Variants in TMEM25 observed in about 807,000 individuals in gnomAD.
TMEM25 encodes the protein 0610039J01Rik.
A neutral mutation model predicts 37.0 loss-of-function variants in TMEM25; 36 were observed. The ratio of observed to expected loss-of-function variants is 0.97; its 90% CI spans 0.75 to 1.28. The LOEUF (loss-of-function observed/expected upper bound fraction) is 1.28. TMEM25 is among the 50% of genes most tolerant of loss of function. The pLI, the probability that TMEM25 is intolerant of heterozygous loss-of-function variation, is 0.00. For missense variants in TMEM25, 444 were observed against 477.9 expected (o/e 0.93, Z 0.66); for synonymous variants, 197 against 203.7 (o/e 0.97, Z 0.28).
At position 118,535,484 on chromosome 11, in the gene TMEM25, C is replaced by T. The variant is rs1463183183; in HGVS notation, c.*904C>T. On this transcript the variant is annotated 3_prime_UTR_variant, in exon 9 of 9. Transcript: ENST00000313236. The stretch of plus-strand genomic sequence containing the variant: ...ATTCACTGTGAGTGTCCTGAGCTCT[C>T]GGGGTTGATGGTTTTTCTCTCAGCA... 7 of 1,524,172 alleles carry T rather than the reference C, an allele frequency of 4.6e-6. No homozygotes were observed. Among genetic ancestry groups the T allele is most frequent in the South Asian group, 3.6e-5 (3 of 82,862 alleles). The allele number at this position is 1,524,172 out of a possible 1,614,324, so 94.4% of individuals were successfully genotyped here.
At chr11:118,539,717 TTTTTTC>T (rs1396309270), downstream of TMEM25, among the ~76,000 whole-genome samples, 13 of 151,982 alleles carry the variant, frequency 8.6e-5, no homozygotes, top group African/African-American at 1.7e-4. Context: ...TGGGCTGTGA[TTTTTTC>T]TTTATTTTAA....
chr11:118,544,871 G>A (rs781944908), intron 8 of TMEM25: 4 of 1,367,316 alleles, frequency 2.9e-6, no homozygotes, highest in Non-Finnish European at 3.1e-6. Flanking sequence ...CTCAGCTGGG[G>A]CAGAGGGGCC....
In TMEM25 at chr11:118,533,179, T is replaced by C. The variant is rs151005546; in HGVS notation, c.645T>C (p.Gly215=). 3.7e-5 allele frequency: 59 copies of C among 1,600,924 alleles called. No individual in the cohort carries two copies. Among genetic ancestry groups the C allele is most frequent in the Non-Finnish European group, 4.8e-5 (57 of 1,178,198 alleles). ...NLSVVATNDV[G]VTSASLPAPG... is the part of the protein sequence containing the mutation. ...CGGTGGTGGCCACCAATGACGTGGGTGTCACCAGTGCGTCGCTTCCAGCCC... is the reference window on the plus strand; with the variant it reads ...CGGTGGTGGCCACCAATGACGTGGGCGTCACCAGTGCGTCGCTTCCAGCCC... Residue 215 remains glycine (G), a synonymous_variant, in exon 4 of 9, where the codon GGT becomes GGC. Transcript: ENST00000313236.
In TMEM25 at chr11:118,534,823, G is replaced by C; in HGVS notation, c.*243G>C. The C allele has an allele frequency of 2.9e-6, 4 of 1,368,946 alleles. No individual in the cohort carries two copies. Among genetic ancestry groups the C allele is most frequent in the Non-Finnish European group, 3.8e-6 (4 of 1,058,648 alleles). 84.8% of individuals were successfully genotyped at this position (1,368,946 alleles called of 1,614,324 possible). On this transcript the variant is annotated 3_prime_UTR_variant, in exon 9 of 9. Transcript: ENST00000313236. This position sits in a 1 kb window ranked among gnomAD's most constrained non-coding sequence, Gnocchi z 4.6. ...GACGTAAGCCCCTCATGCTGACTCA[G>C]GGTGGGCCCTGCATGTGATGACTGG...
chr11:118,540,644 T>C (rs1297109734), downstream of TMEM25, among the ~76,000 whole-genome samples: 4 of 152,246 alleles, frequency 2.6e-5, no homozygotes, highest in Non-Finnish European at 5.9e-5. Flanking sequence ...CAAACTACTG[T>C]CCCAATTCTC....
intron 1 of TMEM25, 195 bp downstream of exon 1, chr11:118,531,429 C>T (rs1951256334): frequency 2.4e-6 from 1 of 421,318 alleles, no homozygotes; most frequent in Non-Finnish European, 4.3e-6. Context: ...AGGAGAAAGG[C>T]GATCCCTTTG....
downstream of TMEM25, among the ~76,000 whole-genome samples, chr11:118,538,553 G>A (rs192871454): frequency 1.3e-5 from 2 of 152,082 alleles, no homozygotes; most frequent in African/African-American, 2.4e-5. Context: ...GATTAGTGAT[G>A]TTGAGCATTT....
chr11:118,543,434 G>A (rs527816002), intron 8 of TMEM25, among the ~76,000 whole-genome samples: 5 of 152,050 alleles, frequency 3.3e-5, no homozygotes, highest in Admixed American at 2.0e-4. Flanking sequence ...AGTACCCTCC[G>A]TTCTCCCTTT....
downstream of TMEM25, among the ~76,000 whole-genome samples, chr11:118,538,563 TTCTCA>T (rs541169912): frequency 7.0e-4 from 106 of 152,250 alleles, no homozygotes; most frequent in Non-Finnish European, 1.3e-3. Context: ...GTTGAGCATT[TTCTCA>T]TATACCTGTT....
Position 118,535,119 on chromosome 11 carries a change from C to T in TMEM25, c.*539C>T, listed in dbSNP as rs1361974635. The T allele has an allele frequency of 3.9e-6, 4 of 1,018,718 alleles. No individual in the cohort carries two copies. Among genetic ancestry groups the T allele is most frequent in the African/African-American group, 1.7e-5 (1 of 58,264 alleles). The allele number at this position is 1,018,718 out of a possible 1,614,324, so 63.1% of individuals were successfully genotyped here. A position where few individuals can be genotyped will look rare whatever the true frequency, so the allele number is the denominator to read the frequency against. On this transcript the variant is annotated 3_prime_UTR_variant, in exon 9 of 9. Transcript: ENST00000313236. ...GCACAGAAACCAACCCCTGACCCAG[C>T]GGTACCGGCCAAGCACAAACGTCCT...
rs534709160 is a variant in TMEM25 at position 118,541,475 on chromosome 11, A to AAAAAAAAAAAAAAAAG, written c.1028-4640_1028-4639insAAAAAAAAAAAGAAAA. Among the ~76,000 whole-genome samples, 9 of 137,342 alleles carry AAAAAAAAAAAAAAAAG rather than the reference A, an allele frequency of 6.6e-5. 1 individual carries two copies. The highest frequency in any genetic ancestry group is 9.2e-5 in the Non-Finnish European group (6 of 65,038). 90.1% of individuals were successfully genotyped at this position (137,342 alleles called of 152,430 possible). On this transcript the variant is annotated intron_variant, in intron 8 of 8. Coordinates refer to the TMEM25 transcript ENST00000354284. Reference sequence around the variant, plus strand: ...AGACCCTGTCTCAAAAAAAAAAAAAAAAAAGAAAAAGAAACTTCACCTAAC... The same window carrying AAAAAAAAAAAAAAAAG: ...AGACCCTGTCTCAAAAAAAAAAAAAAAAAAAAAAAAAAAAAGAAAAGAAAAAGAAACTTCACCTAAC...
intron 8 of TMEM25, among the ~76,000 whole-genome samples, chr11:118,542,968 G>A (rs1326050411): frequency 6.6e-6 from 1 of 151,314 alleles, no homozygotes. Context: ...GAGGCTGGGC[G>A]CAGTGGCTCA....
chr11:118,541,475 A>AAAAAG (rs57553401), intron 8 of TMEM25, among the ~76,000 whole-genome samples: 80,153 of 136,860 alleles, frequency 0.59, 24,798 homozygotes, highest in African/African-American at 0.75. Context: ...AAAAAAAAAA[A>AAAAAG]AAAAGAAAAA....
intron 1 of TMEM25, 34 bp downstream of exon 1, chr11:118,531,268 G>T: frequency 2.7e-6 from 1 of 369,846 alleles, no homozygotes; most frequent in Non-Finnish European, 5.0e-6. Context: ...GCGGGGGCGG[G>T]ATGCTCGGCG....
chr11:118,541,424 T>C (rs1300796445), intron 8 of TMEM25, among the ~76,000 whole-genome samples: 82 of 142,018 alleles, frequency 5.8e-4, no homozygotes, highest in African/African-American at 2.1e-3. Context: ...ATTGCGCCAC[T>C]GCACTCCAGC....
At chr11:118,540,003 A>T, downstream of TMEM25, among the ~76,000 whole-genome samples, 1 of 143,132 alleles carries the variant, frequency 7.0e-6, no homozygotes, top group Non-Finnish European at 1.5e-5. Context: ...CCTGGGCGAC[A>T]GAGCAAGACT....
rs147407517 is a variant in TMEM25 at position 118,544,242 on chromosome 11, C to T, written c.1028-1877C>T. ...CCCAATCACCTCTCACCTGGATTACCGCAATAGCTACGCTCCCTGAGACCA... is the reference window on the plus strand; with the variant it reads ...CCCAATCACCTCTCACCTGGATTACTGCAATAGCTACGCTCCCTGAGACCA... On this transcript the variant is annotated intron_variant, in intron 8 of 8. Transcript: ENST00000354284. Among the ~76,000 whole-genome samples, 931 of 152,308 alleles carry T rather than the reference C, an allele frequency of 6.1e-3. 12 individuals carry two copies. Among genetic ancestry groups the T allele is most frequent in the African/African-American group, 0.021 (880 of 41,568 alleles).
At chr11:118,542,408 G>A (rs1470624104) in intron 8 of TMEM25, among the ~76,000 whole-genome samples, 9 of 152,144 alleles carry the variant, frequency 5.9e-5, no homozygotes, top group South Asian at 2.1e-4. Flanking sequence ...TGATATGGCC[G>A]CATTGAGGAT....
At chr11:118,540,205 GTTC>G (rs1951561209), downstream of TMEM25, among the ~76,000 whole-genome samples, 1 of 151,628 alleles carries the variant, frequency 6.6e-6, no homozygotes, top group Non-Finnish European at 1.5e-5. Flanking sequence ...CGCCTCCCGG[GTTC>G]TTGCCATTCT....
Sources: allele counts gnomAD v4.1 joint callset (sites outside exome capture counted in the v4.1 genomes callset), GRCh38; gene constraint gnomAD v4.1.1; non-coding constraint Gnocchi (gnomAD v3.1); transcripts MANE v1.5; gene names NCBI Gene and HGNC (gene_info 2026-07-23, HGNC 2026-07-21).